The following KIRREL3 variants were observed in gnomAD, a reference collection of about 807,000 sequenced individuals.
KIRREL3 encodes kirre like nephrin family adhesion molecule 3.
Under a neutral mutation model 89.7 loss-of-function variants are expected in KIRREL3, and 36 were observed. The observed-to-expected ratio is 0.40, with a 90% confidence interval of 0.31 to 0.53. The LOEUF (loss-of-function observed/expected upper bound fraction) is 0.53, where lower values mean the gene tolerates loss of function less well. KIRREL3 is among the 20% of genes least tolerant of loss of function. The pLI is 0.49. For missense variants in KIRREL3, 864 were observed against 1,056.6 expected, an observed-to-expected ratio of 0.82 and a Z score of 2.53; for synonymous variants, 445 against 441.4, an observed-to-expected ratio of 1.01 and a Z score of -0.10.
rs1303702980 is a variant in KIRREL3 at position 126,606,547 on chromosome 11, C to T, written c.56-43635G>A. On this transcript the variant is annotated intron_variant, in intron 1 of 16. Coordinates refer to ENST00000525144, the MANE Select transcript of KIRREL3 (RefSeq NM_032531.4). The surrounding 1 kb of genome is among the most constrained non-coding windows in gnomAD (Gnocchi z 4.6). ...CTGGGAACTGCCTTCCACATTTCCCCACCTTAGGGTGGTCTCCAGACCACA... is the reference window on the plus strand; with the variant it reads ...CTGGGAACTGCCTTCCACATTTCCCTACCTTAGGGTGGTCTCCAGACCACA... Among the ~76,000 whole-genome samples, 1 of 152,142 alleles carries T rather than the reference C, an allele frequency of 6.6e-6. No homozygotes were observed. Among genetic ancestry groups the T allele is most frequent in the Non-Finnish European group, 1.5e-5 (1 of 68,026 alleles).
rs1326949633 is a variant in KIRREL3, at chr11:126,844,115, C to G, written c.55+156340G>C. Among the ~76,000 whole-genome samples, 1 of 152,158 alleles carries G rather than the reference C, an allele frequency of 6.6e-6. No homozygotes were observed. Among genetic ancestry groups the G allele is most frequent in the Non-Finnish European group, 1.5e-5 (1 of 68,032 alleles). ...CTCTTTTGGAGTCTGGATGGGGACC[C>G]CTTTCCAGTAACATCTTCCTGGTAA... On this transcript the variant is annotated intron_variant, in intron 1 of 16. Transcript: ENST00000525144. This position sits in a 1 kb window ranked among gnomAD's most constrained non-coding sequence, Gnocchi z 4.8.
Position 127,000,595 on chromosome 11 carries a change from G to A in KIRREL3, c.-86C>T, listed in dbSNP as rs1303259522. On this transcript the variant is annotated 5_prime_UTR_variant, in exon 1 of 17. Coordinates refer to ENST00000525144, the MANE Select transcript of KIRREL3 (RefSeq NM_032531.4). This position sits in a 1 kb window ranked among gnomAD's most constrained non-coding sequence, Gnocchi z 7.1. ...TGGCGGCTCTCGGTGCTCAGCCTCC[G>A]CCGGTCCTCTCGGGTTCGCGCCTAC... The A allele has an allele frequency of 3.5e-6, 5 of 1,434,636 alleles. No homozygotes were observed. Among genetic ancestry groups the A allele is most frequent in the Admixed American group, 4.1e-5 (2 of 49,018 alleles). The allele number at this position is 1,434,636 out of a possible 1,614,324, so 88.9% of individuals were successfully genotyped here. A position where few individuals can be genotyped will look rare whatever the true frequency, so the allele number is the denominator to read the frequency against.
At chr11:126,619,367 G>A (rs1409371901) in intron 1 of KIRREL3, among the ~76,000 whole-genome samples, 4 of 152,250 alleles carry the variant, frequency 2.6e-5, no homozygotes, top group Admixed American at 2.0e-4. Flanking sequence ...GAAGGCGGAA[G>A]CCAGATGGTG....
intron 1 of KIRREL3, among the ~76,000 whole-genome samples, chr11:126,603,721 A>G (rs907469770): frequency 6.6e-6 from 1 of 152,248 alleles, no homozygotes; most frequent in Admixed American, 6.5e-5. Context: ...CGCAGCAGCC[A>G]TATCCTGGGC....
chr11:126,532,416 C>T (rs537488120), intron 2 of KIRREL3, among the ~76,000 whole-genome samples: 1 of 152,104 alleles, frequency 6.6e-6, no homozygotes, highest in South Asian at 2.1e-4. Flanking sequence ...GCTCTTGTCG[C>T]CCAGGATGGA....
chr11:126,555,183 A>G lies in KIRREL3; in HGVS notation c.133+7652T>C, dbSNP rs938525507. Among the ~76,000 whole-genome samples the G allele has an allele frequency of 4.6e-5, 7 of 152,162 alleles. No homozygotes were observed. Among genetic ancestry groups the G allele is most frequent in the African/African-American group, 1.4e-4 (6 of 41,432 alleles). ...GCCGCACAGAGCCTGCTTCTGCCAG[A>G]GATGAGTGACTGGCCGGTTCCAGCG... On this transcript the variant is annotated intron_variant, in intron 2 of 16. Transcript: ENST00000525144. This position sits in a 1 kb window ranked among gnomAD's most constrained non-coding sequence, Gnocchi z 4.2.
chr11:126,626,704 C>T (rs1943801273), intron 1 of KIRREL3, among the ~76,000 whole-genome samples: 1 of 152,200 alleles, frequency 6.6e-6, no homozygotes. Flanking sequence ...AGAATAACCA[C>T]AGTTTTGGCT....
intron 1 of KIRREL3, among the ~76,000 whole-genome samples, chr11:126,573,956 C>T (rs1016437586): frequency 3.3e-5 from 5 of 152,130 alleles, no homozygotes; most frequent in African/African-American, 1.2e-4. Context: ...GACCCTGCTC[C>T]TGATTCTACC....
intron 1 of KIRREL3, among the ~76,000 whole-genome samples, chr11:126,789,417 A>G (rs77127807): frequency 0.032 from 4,805 of 152,118 alleles, 240 homozygotes; most frequent in African/African-American, 0.11. Context: ...TCACTCCTGA[A>G]ATCTCCCCTG....
intron 1 of KIRREL3, among the ~76,000 whole-genome samples, chr11:126,674,250 T>C (rs1438217852): frequency 6.6e-6 from 1 of 152,230 alleles, no homozygotes; most frequent in African/African-American, 2.4e-5. Flanking sequence ...GTGAGATTCA[T>C]CTCCAATTTA....
Position 126,764,153 on chromosome 11 carries a change from T to C in KIRREL3, c.56-201241A>G, listed in dbSNP as rs938907316. ...ATGAATGAAATGCTAACTTTTCCCC[T>C]GTCTAACCCACTCACCCACATACCC... On this transcript the variant is annotated intron_variant, in intron 1 of 16. Transcript: ENST00000525144. The surrounding 1 kb of genome is among the most constrained non-coding windows in gnomAD (Gnocchi z 4.2). Among the ~76,000 whole-genome samples the C allele has an allele frequency of 6.6e-6, 1 of 152,204 alleles. No individual in the cohort carries two copies. The highest frequency in any genetic ancestry group is 1.5e-5 in the Non-Finnish European group (1 of 68,038).
Position 126,905,669 on chromosome 11 carries a change from T to G in KIRREL3, c.55+94786A>C, listed in dbSNP as rs1296477040. Among the ~76,000 whole-genome samples, 2 of 152,052 alleles carry G rather than the reference T, an allele frequency of 1.3e-5. No homozygotes were observed. Among genetic ancestry groups the G allele is most frequent in the African/African-American group, 4.8e-5 (2 of 41,388 alleles). ...TGTGCTAAATGGCATGTCTCCATTC[T>G]CCAATCTGTCTGGCCATGAACCCTT... On this transcript the variant is annotated intron_variant, in intron 1 of 16. Transcript: ENST00000525144. The surrounding 1 kb of genome is among the most constrained non-coding windows in gnomAD (Gnocchi z 5.0).
chr11:126,757,605 A>G (rs1949546035), intron 1 of KIRREL3, among the ~76,000 whole-genome samples: 1 of 152,176 alleles, frequency 6.6e-6, no homozygotes, highest in Non-Finnish European at 1.5e-5. Context: ...CTCAAAGTAT[A>G]GGTCTTTTGA....
chr11:126,448,886 T>A, intron 8 of KIRREL3, 123 bp downstream of exon 8: 1 of 1,048,972 alleles, frequency 9.5e-7, no homozygotes, highest in Non-Finnish European at 1.3e-6. Flanking sequence ...GTGCAAACCA[T>A]CCTACGCTCA....
At position 126,774,164 on chromosome 11, in the gene KIRREL3, C is replaced by CTTTT. The variant is rs5795521; in HGVS notation, c.56-211256_56-211253dup. 2.8e-3 allele frequency among the ~76,000 whole-genome samples: 380 copies of CTTTT among 137,130 alleles called. 2 individuals are homozygous for CTTTT. The highest frequency in any genetic ancestry group is 9.5e-3 in the African/African-American group (348 of 36,658). The allele number at this position is 137,130 out of a possible 152,430, so 90.0% of individuals were successfully genotyped here. A position where few individuals can be genotyped will look rare whatever the true frequency, so the allele number is the denominator to read the frequency against. Reference sequence around the variant, plus strand: ...CAACATAAATAAGTAGAGAGTAAAGCTTTTTTTTTTTTTTTTTTTAAATAA... The same window carrying CTTTT: ...CAACATAAATAAGTAGAGAGTAAAGCTTTTTTTTTTTTTTTTTTTTTTTAAATAA... On this transcript the variant is annotated intron_variant, in intron 1 of 16. Transcript: ENST00000525144.
rs1177126399 is a variant in KIRREL3, at chr11:126,755,443, A to C, written c.56-192531T>G. On this transcript the variant is annotated intron_variant, in intron 1 of 16. Coordinates refer to ENST00000525144, the MANE Select transcript of KIRREL3 (RefSeq NM_032531.4). This position sits in a 1 kb window ranked among gnomAD's most constrained non-coding sequence, Gnocchi z 4.3. ...TCTAATTTTCAGCAGTCATGGGTGG[A>C]AAATCAATACTACTCTGATGCGAAA... 6.6e-6 allele frequency among the ~76,000 whole-genome samples: 1 copy of C among 152,198 alleles called. No individual in the cohort carries two copies. Among genetic ancestry groups the C allele is most frequent in the African/African-American group, 2.4e-5 (1 of 41,460 alleles).
chr11:126,765,803 G>T (rs1231581600), intron 1 of KIRREL3, among the ~76,000 whole-genome samples: 1 of 152,180 alleles, frequency 6.6e-6, no homozygotes, highest in Non-Finnish European at 1.5e-5. Context: ...TAGCTGAAAA[G>T]TGAAGAAATG....
rs1456584194 is a variant in KIRREL3 at position 126,533,587 on chromosome 11, C to T, written c.134-6900G>A. Among the ~76,000 whole-genome samples the T allele has an allele frequency of 2.0e-5, 3 of 152,200 alleles. No homozygotes were observed. In the East Asian group the frequency reaches 5.8e-4, roughly 29 times the overall value. ...GAAGGTGAGCGCAGACCTGCAGGTCCTCCAGTCACCCTTGACCCTCACAAC... is the reference window on the plus strand; with the variant it reads ...GAAGGTGAGCGCAGACCTGCAGGTCTTCCAGTCACCCTTGACCCTCACAAC... On this transcript the variant is annotated intron_variant, in intron 2 of 16. Coordinates refer to ENST00000525144, the MANE Select transcript of KIRREL3 (RefSeq NM_032531.4).
rs999510205 is a variant in KIRREL3, at chr11:126,427,952, G to C, written c.1806+1227C>G. On this transcript the variant is annotated intron_variant, in intron 15 of 16. Transcript: ENST00000525144. This position sits in a 1 kb window ranked among gnomAD's most constrained non-coding sequence, Gnocchi z 5.3. ...TTTTGAAGTGGAATTGACAGGACCT[G>C]AAAATCAATTGGAGAGAGAAAGCGT... Among the ~76,000 whole-genome samples the C allele has an allele frequency of 1.3e-5, 2 of 152,192 alleles. No homozygotes were observed. The highest frequency in any genetic ancestry group is 2.9e-5 in the Non-Finnish European group (2 of 68,030).
Sources: gnomAD v4.1 joint callset for allele counts (sites outside exome capture counted in the v4.1 genomes callset) on GRCh38, gnomAD v4.1.1 for gene constraint, Gnocchi (gnomAD v3.1) non-coding constraint, MANE v1.5 for transcripts, NCBI Gene and HGNC (gene_info 2026-07-23, HGNC 2026-07-21) for gene names.